The following KDM4C variants were observed in gnomAD, a reference collection of about 807,000 sequenced individuals.
The protein encoded by KDM4C is lysine demethylase 4C.
A neutral mutation model predicts 129.3 loss-of-function variants in KDM4C; 81 were observed. That is an observed-to-expected ratio of 0.63 (90% CI 0.52 to 0.75). KDM4C has a LOEUF of 0.75. KDM4C is among the 30% of genes least tolerant of loss of function. The pLI is 0.00. For missense variants in KDM4C, 1,457 were observed against 1,304.0 expected (o/e 1.12, Z -1.81); for synonymous variants, 573 against 456.1 (o/e 1.26, Z -3.26).
intron 4 of KDM4C, among the ~76,000 whole-genome samples, chr9:6,828,830 C>T (rs1422598334): frequency 8.6e-5 from 13 of 151,996 alleles, no homozygotes; most frequent in Admixed American, 7.2e-4. Context: ...GAGATGGCGC[C>T]ATTGCACTCC....
intron 4 of KDM4C, among the ~76,000 whole-genome samples, chr9:6,828,518 T>TA (rs1834263730): frequency 1.3e-5 from 2 of 152,166 alleles, no homozygotes; most frequent in African/African-American, 4.8e-5. Flanking sequence ...GGTAAGGAAA[T>TA]ACTGACCTTG....
At chr9:7,004,402 T>C (rs1359737957) in intron 12 of KDM4C, among the ~76,000 whole-genome samples, 2 of 152,218 alleles carry the variant, frequency 1.3e-5, no homozygotes, top group Admixed American at 6.5e-5. Context: ...AAAGCCTCTT[T>C]ATTCCAGACA....
In KDM4C at chr9:7,112,127, C is replaced by G. The variant is rs16925379; in HGVS notation, c.2610+8257C>G. Among the ~76,000 whole-genome samples the G allele has an allele frequency of 8.2e-3, 1,249 of 152,144 alleles. 17 individuals carry two copies. The highest frequency in any genetic ancestry group is 0.029 in the African/African-American group (1,194 of 41,528). On this transcript the variant is annotated intron_variant, in intron 18 of 21. Transcript: ENST00000381309. Reference sequence around the variant, plus strand: ...ATTATTTATCTTGTTTCAAGAGTTCCTCAAAGTAGGGAAGATTAAAAAGAA... The same window carrying G: ...ATTATTTATCTTGTTTCAAGAGTTCGTCAAAGTAGGGAAGATTAAAAAGAA...
Position 7,160,202 on chromosome 9 carries a change from C to G in KDM4C, c.2782-5036C>G, listed in dbSNP as rs567461480. Among the ~76,000 whole-genome samples the G allele has an allele frequency of 1.1e-3, 163 of 152,250 alleles. 1 individual carries two copies. The highest frequency in any genetic ancestry group is 2.9e-3 in the South Asian group (14 of 4,820). On this transcript the variant is annotated intron_variant, in intron 19 of 21. Coordinates refer to ENST00000381309, the MANE Select transcript of KDM4C (RefSeq NM_015061.6). ...CTGTCAGGTCATTTAAGGTCTTCTCCACACTGTTTATTCTAGTTAGCCATT... is the reference window on the plus strand; with the variant it reads ...CTGTCAGGTCATTTAAGGTCTTCTCGACACTGTTTATTCTAGTTAGCCATT...
intron 17 of KDM4C, among the ~76,000 whole-genome samples, chr9:7,086,196 G>A (rs548589145): frequency 1.3e-5 from 2 of 152,242 alleles, no homozygotes; most frequent in South Asian, 4.1e-4. Flanking sequence ...CAGCATATTT[G>A]ATCCTAGAGC....
intron 19 of KDM4C, among the ~76,000 whole-genome samples, chr9:7,128,614 C>T (rs73403351): frequency 0.023 from 3,463 of 152,282 alleles, 112 homozygotes; most frequent in African/African-American, 0.078. Context: ...TTATGACTTT[C>T]TTTTCTTTAT....
chr9:6,721,244 T>TC (rs1816939652), intron 1 of KDM4C: 1 of 196,294 alleles, frequency 5.1e-6, no homozygotes, highest in African/African-American at 2.4e-5. Context: ...TGGCTTTTTT[T>TC]TTTTTTTTTT....
chr9:7,106,046 TAGGTGGA>T (rs1394847256), intron 18 of KDM4C, among the ~76,000 whole-genome samples: 3 of 152,240 alleles, frequency 2.0e-5, no homozygotes, highest in Non-Finnish European at 2.9e-5. Flanking sequence ...CTACATTTTC[TAGGTGGA>T]AGCACTGTTA....
intron 1 of KDM4C, among the ~76,000 whole-genome samples, chr9:6,728,491 G>A (rs997040425): frequency 2.0e-5 from 3 of 150,374 alleles, no homozygotes; most frequent in Admixed American, 6.7e-5. Context: ...CTGAGATCAC[G>A]CCACTGCACT....
At chr9:6,780,514 C>T (rs932979469) in intron 1 of KDM4C, among the ~76,000 whole-genome samples, 1 of 151,810 alleles carries the variant, frequency 6.6e-6, no homozygotes, top group African/African-American at 2.4e-5. Flanking sequence ...CACCTGTAAT[C>T]CCAGCACTTT....
At chr9:7,087,442 T>C (rs146915425) in intron 17 of KDM4C, among the ~76,000 whole-genome samples, 63 of 152,206 alleles carry the variant, frequency 4.1e-4, no homozygotes, top group African/African-American at 1.4e-3. Flanking sequence ...AATGTTATAG[T>C]ACATGTGTAG....
chr9:7,028,678 C>T (rs1455056543), intron 15 of KDM4C, among the ~76,000 whole-genome samples: 1 of 152,114 alleles, frequency 6.6e-6, no homozygotes, highest in African/African-American at 2.4e-5. Flanking sequence ...GTGGCCTAGA[C>T]TGCCTTTCAT....
intron 4 of KDM4C, among the ~76,000 whole-genome samples, chr9:6,843,046 C>T (rs984074683): frequency 6.6e-6 from 1 of 152,228 alleles, no homozygotes; most frequent in Non-Finnish European, 1.5e-5. Flanking sequence ...TCTCGTGCCT[C>T]AGCCTCCCGA....
chr9:6,964,363 G>C (rs955545786), intron 8 of KDM4C, among the ~76,000 whole-genome samples: 20 of 152,046 alleles, frequency 1.3e-4, no homozygotes, highest in African/African-American at 4.8e-4. Context: ...CCTTGGGATA[G>C]TTTGCTGAGA....
intron 11 of KDM4C, among the ~76,000 whole-genome samples, chr9:6,987,941 C>T (rs7875415): frequency 0.49 from 73,251 of 150,962 alleles, 18,063 homozygotes; most frequent in South Asian, 0.64. Context: ...AGGATCCCCT[C>T]GAGCCCAGAG....
At chr9:6,920,670 G>T (rs1563815142) in intron 8 of KDM4C, among the ~76,000 whole-genome samples, 1 of 152,196 alleles carries the variant, frequency 6.6e-6, no homozygotes, top group Non-Finnish European at 1.5e-5. Flanking sequence ...TTACCAGGGA[G>T]AGTGAATGAA....
chr9:7,153,488 C>T lies in KDM4C; in HGVS notation c.2782-11750C>T, dbSNP rs190544739. Among the ~76,000 whole-genome samples, 497 of 152,232 alleles carry T rather than the reference C, an allele frequency of 3.3e-3. 4 individuals are homozygous for T. The highest frequency in any genetic ancestry group is 9.7e-3 in the African/African-American group (401 of 41,538). ...TATTGAAAACTTGGGAGACTGCTGC[C>T]GGTCATCTAGGACCAAGCCTTGTGA... On this transcript the variant is annotated intron_variant, in intron 19 of 21. Coordinates refer to ENST00000381309, the MANE Select transcript of KDM4C (RefSeq NM_015061.6).
intron 15 of KDM4C, among the ~76,000 whole-genome samples, chr9:7,041,991 A>G (rs1828680503): frequency 6.6e-6 from 1 of 151,952 alleles, no homozygotes; most frequent in Admixed American, 6.6e-5. Flanking sequence ...TTCATCACAG[A>G]TCCATATTTT....
intron 12 of KDM4C, among the ~76,000 whole-genome samples, chr9:6,996,848 C>A (rs1819849213): frequency 6.6e-6 from 1 of 152,154 alleles, no homozygotes; most frequent in African/African-American, 2.4e-5. Flanking sequence ...CTGTGACAAA[C>A]ATTTCTTTTA....
Sources: gnomAD v4.1 joint callset for allele counts (sites outside exome capture counted in the v4.1 genomes callset) on GRCh38, gnomAD v4.1.1 for gene constraint, MANE v1.5 for transcripts, NCBI Gene and HGNC (gene_info 2026-07-23, HGNC 2026-07-21) for gene names.